AGPS: variants seen among roughly 807,000 people sequenced by gnomAD.
AGPS encodes alkyldihydroxyacetonephosphate synthase, peroxisomal.
A neutral mutation model predicts 90.7 loss-of-function variants in AGPS; 26 were observed. The ratio of observed to expected loss-of-function variants is 0.29; its 90% confidence interval spans 0.21 to 0.40. The LOEUF is 0.40. AGPS is among the 10% of genes least tolerant of loss of function. The pLI, the probability that AGPS is intolerant of heterozygous loss-of-function variation, is 1.00. For synonymous variants in AGPS, 294 were observed against 285.3 expected (o/e 1.03, Z -0.31); for missense variants, 540 against 816.1 (o/e 0.66, Z 4.12).
intron 10 of AGPS, among the ~76,000 whole-genome samples, chr2:177,470,923 G>A (rs531962461): frequency 5.3e-5 from 8 of 151,828 alleles, no homozygotes; most frequent in East Asian, 1.9e-4. Flanking sequence ...TTCAGTGCCC[G>A]GTGTCCTCAG....
At chr2:177,453,423 C>G (rs974996287) in intron 8 of AGPS, among the ~76,000 whole-genome samples, 1 of 151,852 alleles carries the variant, frequency 6.6e-6, no homozygotes, top group Non-Finnish European at 1.5e-5. Context: ...AGGCATGCCC[C>G]ACCACGCCCA....
intron 10 of AGPS, among the ~76,000 whole-genome samples, chr2:177,469,475 G>A (rs1687548052): frequency 6.6e-6 from 1 of 152,124 alleles, no homozygotes; most frequent in African/African-American, 2.4e-5. Context: ...CAGTAGTATT[G>A]CTTAGATGTT....
At chr2:177,482,379 A>G (rs1687971672) in intron 11 of AGPS, among the ~76,000 whole-genome samples, 193 bp downstream of exon 11, 1 of 151,986 alleles carries the variant, frequency 6.6e-6, no homozygotes, top group African/African-American at 2.4e-5. Flanking sequence ...TGCAGTTACT[A>G]TTTCTTTGAG....
chr2:177,498,740 G>A (rs1421966111), intron 13 of AGPS, among the ~76,000 whole-genome samples: 1 of 151,644 alleles, frequency 6.6e-6, no homozygotes, highest in Non-Finnish European at 1.5e-5. Context: ...GGTTGTGGCA[G>A]CACCATTAAT....
At chr2:177,431,398 T>C (rs868105031) in intron 2 of AGPS, among the ~76,000 whole-genome samples, 4 of 152,286 alleles carry the variant, frequency 2.6e-5, no homozygotes, top group Middle Eastern at 3.4e-3. Context: ...GCACGTATTG[T>C]CTTGATAAAC....
intron 12 of AGPS, among the ~76,000 whole-genome samples, chr2:177,495,917 C>CAAAAAA (rs57571340): frequency 5.4e-5 from 5 of 93,184 alleles, no homozygotes; most frequent in African/African-American, 1.2e-4. Flanking sequence ...GACTCTGTCT[C>CAAAAAA]AAAAAAAAAA....
At chr2:177,500,366 A>G (rs752839400) in intron 14 of AGPS, among the ~76,000 whole-genome samples, 7 of 152,084 alleles carry the variant, frequency 4.6e-5, no homozygotes, top group Non-Finnish European at 1.0e-4. Context: ...TTTAAAGTAC[A>G]TAAACTAACA....
At chr2:177,435,239 G>T (rs935443596) in intron 3 of AGPS, among the ~76,000 whole-genome samples, 7 of 151,740 alleles carry the variant, frequency 4.6e-5, no homozygotes, top group Non-Finnish European at 1.0e-4. Context: ...TTGTTAAGTG[G>T]TATAGGTATT....
rs146526791 is a variant in AGPS at position 177,461,973 on chromosome 2, C to T, written c.951C>T (p.Arg317=). ...FSTVGGWVST[R]ASGMKKNIYG... ...CTGTAGGAGGATGGGTATCTACTCG[C>T]GCATCAGGCATGAAGAAGAATATCT... The change falls in exon 9 of 20, where the codon CGC becomes CGT. Residue 317 remains arginine (R), a synonymous_variant. Transcript: ENST00000264167. 5.4e-5 allele frequency: 87 copies of T among 1,612,002 alleles called. 1 individual carries two copies. The African/African-American group carries it at 6.2e-4, about 11-fold the overall frequency.
At chr2:177,413,604 A>C (rs1024645661) in intron 1 of AGPS, among the ~76,000 whole-genome samples, 3 of 152,248 alleles carry the variant, frequency 2.0e-5, no homozygotes, top group Non-Finnish European at 2.9e-5. Context: ...AATTTAAAGT[A>C]CAGTCCAGGG....
rs2079228442 is a variant in AGPS at position 177,540,852 on chromosome 2, A to G, written c.*2657A>G. On this transcript the variant is annotated 3_prime_UTR_variant, in exon 20 of 20. Transcript: ENST00000264167. The stretch of plus-strand genomic sequence containing the variant: ...AATGGCATTGAATACTAAAGACTCA[A>G]TATGAACAGGCTTTATAGACCCTTA... 6.6e-6 allele frequency: 1 copy of G among 152,084 alleles called. No homozygotes were observed. Among genetic ancestry groups the G allele is most frequent in the Admixed American group, 6.6e-5 (1 of 15,256 alleles). 9.4% of individuals were successfully genotyped at this position (152,084 alleles called of 1,614,324 possible). A position where few individuals can be genotyped will look rare whatever the true frequency, so the allele number is the denominator to read the frequency against.
At chr2:177,413,301 A>G (rs1685677354) in intron 1 of AGPS, among the ~76,000 whole-genome samples, 2 of 152,200 alleles carry the variant, frequency 1.3e-5, no homozygotes, top group Non-Finnish European at 1.5e-5. Context: ...CTTGGTTTCA[A>G]TGCTAAAATG....
At chr2:177,451,034 T>G (rs972681629) in intron 8 of AGPS, among the ~76,000 whole-genome samples, 3 of 140,346 alleles carry the variant, frequency 2.1e-5, no homozygotes, top group African/African-American at 8.1e-5. Context: ...CCATCATAGC[T>G]CACTGTAACC....
chr2:177,495,190 A>G (rs1009618342), intron 12 of AGPS, among the ~76,000 whole-genome samples: 2 of 152,204 alleles, frequency 1.3e-5, no homozygotes, highest in Non-Finnish European at 2.9e-5. Flanking sequence ...TATGTTTCTT[A>G]GTCATTTTTC....
At chr2:177,454,537 A>G (rs1405922921) in intron 8 of AGPS, among the ~76,000 whole-genome samples, 3 of 151,290 alleles carry the variant, frequency 2.0e-5, no homozygotes, top group Non-Finnish European at 4.4e-5. Flanking sequence ...CATAATGATT[A>G]TGGGGTGTTT....
intron 10 of AGPS, among the ~76,000 whole-genome samples, chr2:177,475,987 A>G (rs1687771425): frequency 6.6e-6 from 1 of 151,474 alleles, no homozygotes; most frequent in Non-Finnish European, 1.5e-5. Flanking sequence ...TTCCTTTATA[A>G]TCCTTTTTAT....
chr2:177,521,181 T>G, intron 17 of AGPS, 88 bp from the exon 18 acceptor site: 1 of 1,096,308 alleles, frequency 9.1e-7, no homozygotes, highest in Non-Finnish European at 1.4e-6. Context: ...AAACTAATCA[T>G]TTGGGTCGTC....
intron 1 of AGPS, among the ~76,000 whole-genome samples, chr2:177,414,472 G>A (rs978703121): frequency 1.3e-5 from 2 of 152,136 alleles, no homozygotes; most frequent in Non-Finnish European, 2.9e-5. Context: ...GCCTCCCAAA[G>A]TGGTGGGATT....
At chr2:177,489,237 A>G (rs1300785809) in intron 11 of AGPS, among the ~76,000 whole-genome samples, 1 of 151,900 alleles carries the variant, frequency 6.6e-6, no homozygotes, top group Admixed American at 6.6e-5. Context: ...GGCGCCTGCC[A>G]CCACACCAGA....
Sources: gnomAD v4.1 joint callset for allele counts (sites outside exome capture counted in the v4.1 genomes callset) on GRCh38, gnomAD v4.1.1 for gene constraint, MANE v1.5 for transcripts, NCBI Gene and HGNC (gene_info 2026-07-23, HGNC 2026-07-21) for gene names.